The following NAALADL2 variants were observed in gnomAD, a reference collection of about 807,000 sequenced individuals.
NAALADL2 encodes the protein N-acetylated alpha-linked acidic dipeptidase like 2, also known as inactive N-acetylated-alpha-linked acidic dipeptidase-like protein 2.
A neutral mutation model predicts 87.2 loss-of-function variants in NAALADL2; 76 were observed. The observed-to-expected ratio is 0.87, with a 90% CI of 0.72 to 1.05. NAALADL2 has a LOEUF of 1.05. Among genes scored for constraint, NAALADL2 ranks in the 50% least tolerant of loss-of-function variants. The pLI, the probability that NAALADL2 is intolerant of heterozygous loss-of-function variation, is 0.00. For synonymous variants in NAALADL2, 354 were observed against 331.0 expected, an observed-to-expected ratio of 1.07 and a Z score of -0.75; for missense variants, 1,089 against 945.8, an observed-to-expected ratio of 1.15 and a Z score of -1.99.
chr3:175,487,085 A>G (rs1259242476), intron 9 of NAALADL2, among the ~76,000 whole-genome samples: 1 of 152,150 alleles, frequency 6.6e-6, no homozygotes, highest in Non-Finnish European at 1.5e-5. Flanking sequence ...TAAAAGCCAA[A>G]GTCCTTATAA....
rs532175023 is a variant in NAALADL2, at chr3:175,368,388, T to A, written c.1090+44063T>A. ...GGCCTCATAAAATGAGTTAGGGAGG[T>A]TTCCCTCTTTTTCTATTGATTGGAA... On this transcript the variant is annotated intron_variant, in intron 5 of 13. Coordinates refer to ENST00000454872, the MANE Select transcript of NAALADL2 (RefSeq NM_207015.3). Among the ~76,000 whole-genome samples the A allele has an allele frequency of 4.5e-4, 68 of 152,128 alleles. 2 individuals carry two copies. Among genetic ancestry groups the A allele is most frequent in the East Asian group, 1.9e-3 (10 of 5,170 alleles).
At chr3:175,489,878 C>T (rs62287074) in intron 9 of NAALADL2, among the ~76,000 whole-genome samples, 2 of 151,966 alleles carry the variant, frequency 1.3e-5, no homozygotes, top group African/African-American at 2.4e-5. Context: ...ATAGTCTCTA[C>T]ATTAGTATAT....
intron 5 of NAALADL2, among the ~76,000 whole-genome samples, chr3:175,445,974 C>T (rs1295925915): frequency 1.3e-5 from 2 of 152,084 alleles, no homozygotes; most frequent in Non-Finnish European, 2.9e-5. Context: ...TTGCCCTTGG[C>T]TGAGATCTCT....
At chr3:175,733,770 C>T (rs1000908495) in intron 11 of NAALADL2, among the ~76,000 whole-genome samples, 11 of 141,966 alleles carry the variant, frequency 7.7e-5, no homozygotes, top group African/African-American at 3.0e-4. Flanking sequence ...AATGAGGTCT[C>T]AGGTATTGGG....
chr3:175,515,678 C>A (rs1237572148), intron 9 of NAALADL2, among the ~76,000 whole-genome samples: 2 of 152,130 alleles, frequency 1.3e-5, no homozygotes, highest in Non-Finnish European at 2.9e-5. Flanking sequence ...TCAGATAAGC[C>A]GGCAAATCAA....
chr3:175,515,931 G>A (rs1439434162), intron 9 of NAALADL2, among the ~76,000 whole-genome samples: 1 of 152,154 alleles, frequency 6.6e-6, no homozygotes, highest in Non-Finnish European at 1.5e-5. Flanking sequence ...GGGAAAATGC[G>A]GCTCTAATGA....
intron 11 of NAALADL2, among the ~76,000 whole-genome samples, chr3:175,674,257 T>G (rs954413742): frequency 3.5e-5 from 5 of 144,856 alleles, no homozygotes; most frequent in Non-Finnish European, 7.4e-5. Flanking sequence ...GTTTTTTTTT[T>G]TTGTTTGTTT....
intron 1 of NAALADL2, among the ~76,000 whole-genome samples, chr3:174,490,752 A>G (rs1206449627): frequency 3.9e-5 from 6 of 152,066 alleles, no homozygotes; most frequent in Admixed American, 2.6e-4. Flanking sequence ...TTCTATTCAA[A>G]GAGCGCTCCT....
intron 10 of NAALADL2, among the ~76,000 whole-genome samples, chr3:175,619,240 G>A (rs1442358286): frequency 5.4e-5 from 5 of 93,108 alleles, no homozygotes; most frequent in Non-Finnish European, 9.2e-5. Context: ...AGAAAGAAAG[G>A]AAGGAAGGAA....
intron 2 of NAALADL2, among the ~76,000 whole-genome samples, chr3:174,608,686 A>G (rs547112737): frequency 1.3e-5 from 2 of 151,906 alleles, no homozygotes; most frequent in East Asian, 3.9e-4. Flanking sequence ...TTACTAACCA[A>G]AAAGAGTCCA....
chr3:174,907,698 A>C (rs2108285222), intron 1 of NAALADL2, among the ~76,000 whole-genome samples: 1 of 152,224 alleles, frequency 6.6e-6, no homozygotes, highest in South Asian at 2.1e-4. Flanking sequence ...AATGTTCAAA[A>C]GCAAAACATT....
intron 11 of NAALADL2, among the ~76,000 whole-genome samples, chr3:175,666,692 T>C (rs550971134): frequency 4.9e-4 from 75 of 152,234 alleles, no homozygotes; most frequent in African/African-American, 1.7e-3. Flanking sequence ...AACTATACCA[T>C]CTTTGGAACG....
chr3:174,589,917 G>C (rs1175404549), intron 2 of NAALADL2, among the ~76,000 whole-genome samples: 2 of 150,058 alleles, frequency 1.3e-5, no homozygotes, highest in African/African-American at 2.5e-5. Flanking sequence ...AAAACATCCT[G>C]TTATTTCTTT....
rs533137166 is a variant in NAALADL2 at position 174,759,711 on chromosome 3, T to G, written c.-9+21965T>G. On this transcript the variant is annotated intron_variant, in intron 3 of 3. Transcript: ENST00000434257. ...AAATACAATACAAATCACTTTTTTTTTTTTTTGAGATGGAGTCTTGCTCTT... is the reference window on the plus strand; with the variant it reads ...AAATACAATACAAATCACTTTTTTTGTTTTTTGAGATGGAGTCTTGCTCTT... Among the ~76,000 whole-genome samples the G allele has an allele frequency of 2.3e-4, 35 of 152,238 alleles. No homozygotes were observed. In the South Asian group the frequency reaches 7.1e-3, roughly 31 times the overall value.
chr3:174,538,011 C>CAT (rs10627529), intron 1 of NAALADL2, among the ~76,000 whole-genome samples: 39,958 of 151,942 alleles, frequency 0.26, 6,633 homozygotes, highest in East Asian at 0.54. Context: ...GTACTTTACA[C>CAT]AGAGGCTCTT....
intron 11 of NAALADL2, among the ~76,000 whole-genome samples, chr3:175,683,545 C>A (rs1424767066): frequency 6.6e-6 from 1 of 151,836 alleles, no homozygotes; most frequent in Non-Finnish European, 1.5e-5. Context: ...GTATAATTAG[C>A]AAATGGGTGG....
chr3:175,292,207 A>T (rs1755721582), intron 4 of NAALADL2, among the ~76,000 whole-genome samples: 1 of 152,178 alleles, frequency 6.6e-6, no homozygotes, highest in Non-Finnish European at 1.5e-5. Flanking sequence ...ACCAGCACAA[A>T]TTCTTACATG....
intron 7 of NAALADL2, among the ~76,000 whole-genome samples, chr3:175,466,629 G>A (rs901361829): frequency 3.3e-5 from 5 of 152,068 alleles, no homozygotes; most frequent in East Asian, 1.9e-4. Context: ...TATTTACTGA[G>A]CATGCATACA....
chr3:175,680,431 A>C, intron 11 of NAALADL2, among the ~76,000 whole-genome samples: 1 of 152,220 alleles, frequency 6.6e-6, no homozygotes, highest in East Asian at 1.9e-4. Context: ...GGGTATATAC[A>C]CATTGAAAGT....
Sources: gnomAD v4.1 joint callset for allele counts (sites outside exome capture counted in the v4.1 genomes callset) on GRCh38, gnomAD v4.1.1 for gene constraint, MANE v1.5 for transcripts, NCBI Gene and HGNC (gene_info 2026-07-23, HGNC 2026-07-21) for gene names.